The following MED15 variants were observed in gnomAD, a reference collection of about 807,000 sequenced individuals.
MED15 encodes mediator of RNA polymerase II transcription subunit 15.
MED15 carries 41 observed loss-of-function variants against 118.7 expected under a neutral mutation model. That is an observed-to-expected ratio of 0.35 (90% CI 0.27 to 0.45). The LOEUF (loss-of-function observed/expected upper bound fraction) is 0.45. Among genes scored for constraint, MED15 ranks in the 20% least tolerant of loss-of-function variants. The pLI is 1.00. For missense variants in MED15, 740 were observed against 1,025.5 expected, an observed-to-expected ratio of 0.72 and a Z score of 3.80; for synonymous variants, 436 against 413.9, an observed-to-expected ratio of 1.05 and a Z score of -0.65.
rs77600285 is a variant in MED15 at position 20,544,403 on chromosome 22, C to T, written c.157-7033C>T. The stretch of plus-strand genomic sequence containing the variant: ...AATTTAGGCCGGGTGCGGTGGCTCA[C>T]GCCTGTAATCCCAGCACTTTGGGAG... On this transcript the variant is annotated intron_variant, in intron 2 of 17. Coordinates refer to ENST00000263205, the MANE Select transcript of MED15 (RefSeq NM_001003891.3). Among the ~76,000 whole-genome samples, 259 of 152,282 alleles carry T rather than the reference C, an allele frequency of 1.7e-3. 3 individuals carry two copies. The East Asian group carries it at 0.032, about 19-fold the overall frequency.
rs374794651 is a variant in MED15, at chr22:20,564,628, CCAGCAGCAG to C, written c.648_656del (p.Gln216_Gln218del). On this transcript the variant is annotated inframe_deletion, in exon 6 of 18. Coordinates refer to ENST00000263205, the MANE Select transcript of MED15 (RefSeq NM_001003891.3). ...CAGTAGTGCAGCAGCAGCAGCAGCT[CCAGCAGCAG>C]CAGCAGCAGCAGCAGCATCTAATTA... 1.1e-5 allele frequency: 18 copies of C among 1,606,578 alleles called. No individual in the cohort carries two copies. Among genetic ancestry groups the C allele is most frequent in the East Asian group, 2.2e-5 (1 of 44,744 alleles).
At chr22:20,533,154 T>A (rs1004554428) in intron 1 of MED15, among the ~76,000 whole-genome samples, 1 of 152,088 alleles carries the variant, frequency 6.6e-6, no homozygotes, top group Admixed American at 6.5e-5. Flanking sequence ...TGGGCCTGGG[T>A]CCTGCCTGCA....
At position 20,509,005 on chromosome 22, in the gene MED15, C is replaced by T. The variant is rs112192938; in HGVS notation, c.68+1259C>T. 2.0e-4 allele frequency among the ~76,000 whole-genome samples: 30 copies of T among 152,224 alleles called. 1 individual carries two copies. The highest frequency in any genetic ancestry group is 7.2e-4 in the African/African-American group (30 of 41,526). On this transcript the variant is annotated intron_variant, in intron 1 of 17. Transcript: ENST00000263205. ...GCGGTTAACTTGAGCAGACCAGGGGCAGTCTAGTGAGTAGGTGACGAATAA... is the reference window on the plus strand; with the variant it reads ...GCGGTTAACTTGAGCAGACCAGGGGTAGTCTAGTGAGTAGGTGACGAATAA...
In MED15 at chr22:20,582,691, C is replaced by T; in HGVS notation, c.1353C>T (p.Pro451=). The change falls in exon 10 of 18, where the codon CCC becomes CCT. Residue 451 remains proline (P), a synonymous_variant. Coordinates refer to ENST00000263205, the MANE Select transcript of MED15 (RefSeq NM_001003891.3). The part of the protein sequence containing the change: ...QVQTPQSMPP[P]PQPSPQPGQP... ...AGACCCCGCAGTCGATGCCCCCTCCCCCCCAGCCGTCCCCGCAGCCCGGCC... is the reference window on the plus strand; with the variant it reads ...AGACCCCGCAGTCGATGCCCCCTCCTCCCCAGCCGTCCCCGCAGCCCGGCC... The T allele has an allele frequency of 6.3e-7, 1 of 1,597,958 alleles. No individual in the cohort carries two copies. Among genetic ancestry groups the T allele is most frequent in the Non-Finnish European group, 8.5e-7 (1 of 1,178,414 alleles).
At chr22:20,560,743 C>T (rs2056205391) in intron 5 of MED15, among the ~76,000 whole-genome samples, 1 of 152,134 alleles carries the variant, frequency 6.6e-6, no homozygotes, top group South Asian at 2.1e-4. Context: ...TTATTTAATT[C>T]TTAGTCCAGT....
chr22:20,566,803 C>T lies in MED15; in HGVS notation c.1027C>T (p.Pro343Ser), dbSNP rs767986270. The stretch of plus-strand genomic sequence containing the variant: ...CCCTGGACAAATGTTGTATACCCAA[C>T]CACCACTGAAATTTGTGAGTACCTG... ...ALPGQMLYTQ[P>S]PLKFVRAPMV... Residue 343 changes from proline (P) to serine (S), a missense_variant, in exon 7 of 18, where the codon CCA becomes TCA. By Grantham distance (74) the Pro-to-Ser change is moderately conservative. Transcript: ENST00000263205. 4 of 1,613,572 alleles carry T rather than the reference C, an allele frequency of 2.5e-6. No homozygotes were observed. In the African/African-American group the frequency reaches 4.0e-5, roughly 16 times the overall value.
In MED15 at chr22:20,537,393, G is replaced by A. The variant is rs6001680; in HGVS notation, c.156+189G>A. ...TCCTGTGTGTCCATGGTACAGGGAG[G>A]GCACTTGGGTTGCAGGCCCAGCCTC... On this transcript the variant is annotated intron_variant, in intron 2 of 17. Coordinates refer to ENST00000263205, the MANE Select transcript of MED15 (RefSeq NM_001003891.3). 2.8e-3 allele frequency among the ~76,000 whole-genome samples: 426 copies of A among 152,246 alleles called. 1 individual carries two copies. Among genetic ancestry groups the A allele is most frequent in the African/African-American group, 1.0e-2 (415 of 41,540 alleles).
intron 5 of MED15, among the ~76,000 whole-genome samples, chr22:20,558,750 G>A (rs956333454): frequency 1.3e-5 from 2 of 152,110 alleles, no homozygotes; most frequent in Non-Finnish European, 2.9e-5. Context: ...GCTGGGTCCT[G>A]TGTCACCCCC....
chr22:20,527,212 C>A (rs1601480561), intron 1 of MED15, among the ~76,000 whole-genome samples: 1 of 152,228 alleles, frequency 6.6e-6, no homozygotes, highest in East Asian at 1.9e-4. Context: ...TTAATGTTCA[C>A]TCTTTGGGCC....
At chr22:20,584,065 G>A (rs745484925) in intron 13 of MED15, 30 of 469,674 alleles carry the variant, frequency 6.4e-5, no homozygotes, top group Middle Eastern at 6.0e-4. Context: ...AGGGTTATAG[G>A]GATGAGTGGG....
At chr22:20,585,696 C>T in intron 16 of MED15, 32 bp from the exon 17 acceptor site, 1 of 1,602,912 alleles carries the variant, frequency 6.2e-7, no homozygotes, top group Non-Finnish European at 8.5e-7. Flanking sequence ...CGGGGCTTGT[C>T]CAGGTCACAG....
intron 2 of MED15, 31 bp from the exon 3 acceptor site, chr22:20,551,405 G>T (rs759181842): frequency 1.2e-6 from 2 of 1,605,142 alleles, no homozygotes; most frequent in Admixed American, 3.3e-5. Flanking sequence ...TCTTCATCTG[G>T]TATTAAACTG....
At chr22:20,527,492 A>C (rs2054688647) in intron 1 of MED15, among the ~76,000 whole-genome samples, 1 of 151,810 alleles carries the variant, frequency 6.6e-6, no homozygotes, top group Admixed American at 6.6e-5. Context: ...CCCAGGCTGG[A>C]ATGCAGTGAT....
chr22:20,535,563 C>CT lies in MED15; in HGVS notation c.69-1540dup, dbSNP rs574158276. Among the ~76,000 whole-genome samples the CT allele has an allele frequency of 3.9e-3, 559 of 144,456 alleles. 5 individuals carry two copies. The highest frequency in any genetic ancestry group is 0.021 in the South Asian group (96 of 4,536). The allele number at this position is 144,456 out of a possible 152,430, so 94.8% of individuals were successfully genotyped here. The stretch of plus-strand genomic sequence containing the variant: ...GTTTCTTTTTTCTTTTGCTTTCTTT[C>CT]TTTTTTTTTTTTTTGAGACGGAGTC... On this transcript the variant is annotated intron_variant, in intron 1 of 17. Coordinates refer to ENST00000263205, the MANE Select transcript of MED15 (RefSeq NM_001003891.3).
chr22:20,584,527 G>A (rs2057077945), intron 14 of MED15, 102 bp downstream of exon 14: 2 of 1,377,330 alleles, frequency 1.5e-6, no homozygotes, highest in Non-Finnish European at 1.0e-6. Context: ...CTGGGCGGGG[G>A]CCGGGCCTGA....
intron 6 of MED15, 152 bp downstream of exon 6, chr22:20,564,840 C>G (rs2146584029): frequency 7.3e-7 from 1 of 1,368,572 alleles, no homozygotes; most frequent in East Asian, 2.4e-5. Flanking sequence ...CTCAAAAAGT[C>G]TGGGACAAGG....
rs575789789 is a variant in MED15, at chr22:20,540,466, C to G, written c.156+3262C>G. Among the ~76,000 whole-genome samples the G allele has an allele frequency of 2.6e-5, 4 of 152,010 alleles. No individual in the cohort carries two copies. The South Asian group carries it at 6.2e-4, about 24-fold the overall frequency. On this transcript the variant is annotated intron_variant, in intron 2 of 17. Coordinates refer to ENST00000263205, the MANE Select transcript of MED15 (RefSeq NM_001003891.3). ...GCGCGTGCCTGTAGTCCTGCCTAAT[C>G]GACAGGCTGAGGCTGGAGGGTCACT...
In MED15 at chr22:20,585,119, C is replaced by T. The variant is rs1215140323; in HGVS notation, c.1983C>T (p.Thr661=). The T allele has an allele frequency of 6.2e-7, 1 of 1,613,554 alleles. No homozygotes were observed. Among genetic ancestry groups the T allele is most frequent in the Non-Finnish European group, 8.5e-7 (1 of 1,179,978 alleles). The change falls in exon 16 of 18, where the codon ACC becomes ACT. Residue 661 remains threonine, a synonymous_variant. Transcript: ENST00000263205. ...GPPITAPVVC[T]RKRRLEDDER... ...TCCCCAGGGCCCCAGTGGTGTGCACCCGGAAGCGCAGGCTTGAGGATGATG... is the reference window on the plus strand; with the variant it reads ...TCCCCAGGGCCCCAGTGGTGTGCACTCGGAAGCGCAGGCTTGAGGATGATG...
chr22:20,514,547 A>C (rs2054186543), intron 1 of MED15, among the ~76,000 whole-genome samples: 1 of 152,194 alleles, frequency 6.6e-6, no homozygotes, highest in African/African-American at 2.4e-5. Context: ...AACAATACAG[A>C]GAGGAGGTGA....
Sources: gnomAD v4.1 joint callset for allele counts (sites outside exome capture counted in the v4.1 genomes callset) on GRCh38, gnomAD v4.1.1 for gene constraint, MANE v1.5 for transcripts, NCBI Gene and HGNC (gene_info 2026-07-23, HGNC 2026-07-21) for gene names.